Variants in CA10 observed in about 807,000 individuals in gnomAD.
The protein encoded by CA10 is carbonic anhydrase-related protein 10.
A neutral mutation model predicts 44.2 loss-of-function variants in CA10; 14 were observed. The ratio of observed to expected loss-of-function variants is 0.32; its 90% CI spans 0.21 to 0.50. The LOEUF (loss-of-function observed/expected upper bound fraction) is 0.50, where lower values mean the gene tolerates loss of function less well. CA10 is among the 20% of genes least tolerant of loss of function. CA10 has a pLI of 0.99. For synonymous variants in CA10, 159 were observed against 141.6 expected (o/e 1.12, Z -0.87); for missense variants, 350 against 409.7 (o/e 0.85, Z 1.26).
At chr17:51,690,044 T>C (rs1915137043) in intron 4 of CA10, among the ~76,000 whole-genome samples, 1 of 151,860 alleles carries the variant, frequency 6.6e-6, no homozygotes, top group Non-Finnish European at 1.5e-5. Flanking sequence ...ACCTCCCAGG[T>C]TCAAGTGATT....
chr17:51,815,222 A>G (rs921295807), intron 3 of CA10, among the ~76,000 whole-genome samples: 4 of 152,134 alleles, frequency 2.6e-5, no homozygotes, highest in African/African-American at 9.7e-5. Context: ...TGAATGCCCT[A>G]TGGTACAAGG....
intron 2 of CA10, among the ~76,000 whole-genome samples, chr17:51,937,728 T>A (rs994036850): frequency 3.9e-5 from 6 of 152,126 alleles, no homozygotes; most frequent in Non-Finnish European, 8.8e-5. Flanking sequence ...AGCTAACAAA[T>A]AGTTATAACA....
At chr17:51,881,242 G>GAAA (rs11423498) in intron 3 of CA10, among the ~76,000 whole-genome samples, 41 of 123,706 alleles carry the variant, frequency 3.3e-4, no homozygotes, top group Admixed American at 3.6e-4. Flanking sequence ...TCCGTCTCAA[G>GAAA]AAAAAAAAAA....
intron 2 of CA10, among the ~76,000 whole-genome samples, chr17:52,027,221 CAAG>C (rs544619416): frequency 5.9e-4 from 90 of 152,176 alleles, no homozygotes; most frequent in Non-Finnish European, 8.8e-4. Flanking sequence ...AGCTACTGAT[CAAG>C]AAGAGCCAGA....
At chr17:52,068,632 C>T (rs7223344) in intron 2 of CA10, among the ~76,000 whole-genome samples, 3,733 of 152,220 alleles carry the variant, frequency 0.025, 149 homozygotes, top group African/African-American at 0.082. Context: ...AAGTCTGACT[C>T]AAAGTGGCTC....
chr17:52,011,046 T>C (rs1985778698), intron 2 of CA10, among the ~76,000 whole-genome samples: 1 of 151,720 alleles, frequency 6.6e-6, no homozygotes. Flanking sequence ...GTCAGCTAAT[T>C]ACCAACCTGG....
intron 2 of CA10, among the ~76,000 whole-genome samples, chr17:51,957,247 T>C (rs1983700515): frequency 6.6e-6 from 1 of 152,168 alleles, no homozygotes; most frequent in Non-Finnish European, 1.5e-5. Flanking sequence ...TCCAAGGTGT[T>C]CAAGGCAGGC....
At chr17:51,742,599 G>A (rs1271259376) in intron 4 of CA10, among the ~76,000 whole-genome samples, 2 of 152,150 alleles carry the variant, frequency 1.3e-5, no homozygotes, top group Non-Finnish European at 2.9e-5. Flanking sequence ...TGTTTCAGTT[G>A]TTGGTTCTGA....
chr17:51,977,203 T>G (rs1451886386), intron 2 of CA10, among the ~76,000 whole-genome samples: 1 of 151,958 alleles, frequency 6.6e-6, no homozygotes, highest in Non-Finnish European at 1.5e-5. Context: ...TAGCATATCT[T>G]TGATACCAAA....
intron 3 of CA10, among the ~76,000 whole-genome samples, chr17:51,811,086 G>A (rs185423266): frequency 2.6e-5 from 4 of 151,910 alleles, no homozygotes; most frequent in Admixed American, 6.5e-5. Flanking sequence ...ATCCCAGCTA[G>A]TCGGGAGGCT....
chr17:52,068,028 AG>A (rs1195472615), intron 2 of CA10, among the ~76,000 whole-genome samples: 1 of 152,186 alleles, frequency 6.6e-6, no homozygotes, highest in African/African-American at 2.4e-5. Flanking sequence ...ACAGTTGGGT[AG>A]GCAGGATTGG....
At chr17:52,045,223 TATAA>T (rs2144198853) in intron 2 of CA10, among the ~76,000 whole-genome samples, 1 of 150,998 alleles carries the variant, frequency 6.6e-6, no homozygotes, top group African/African-American at 2.4e-5. Flanking sequence ...AAACACATTT[TATAA>T]ATAAAGGTTA....
intron 2 of CA10, among the ~76,000 whole-genome samples, chr17:52,070,681 A>C (rs1598199022): frequency 6.6e-6 from 1 of 152,364 alleles, no homozygotes; most frequent in Admixed American, 6.5e-5. Context: ...TTTTATATCA[A>C]CATGTAAGGG....
At chr17:51,775,448 A>C (rs1905782804) in intron 3 of CA10, among the ~76,000 whole-genome samples, 1 of 152,186 alleles carries the variant, frequency 6.6e-6, no homozygotes, top group Non-Finnish European at 1.5e-5. Flanking sequence ...TAAGCCATGC[A>C]GGGTACAAGG....
intron 1 of CA10, among the ~76,000 whole-genome samples, chr17:52,102,789 T>G (rs553808498): frequency 1.3e-5 from 2 of 152,214 alleles, no homozygotes; most frequent in Admixed American, 1.3e-4. Context: ...AACAGTATTC[T>G]TCTCAAGAAT....
At chr17:51,784,499 C>G (rs921748088) in intron 3 of CA10, among the ~76,000 whole-genome samples, 6 of 152,212 alleles carry the variant, frequency 3.9e-5, no homozygotes, top group Admixed American at 1.3e-4. Context: ...TAACCGACCT[C>G]TGTTTATCTC....
chr17:52,103,556 T>A (rs1053209615), intron 1 of CA10, among the ~76,000 whole-genome samples: 5 of 152,216 alleles, frequency 3.3e-5, no homozygotes, highest in Admixed American at 1.3e-4. Context: ...TGCCCGAGAC[T>A]GCTGACCCTT....
intron 4 of CA10, among the ~76,000 whole-genome samples, chr17:51,738,654 A>G (rs1347485203): frequency 2.0e-5 from 3 of 152,088 alleles, no homozygotes; most frequent in Non-Finnish European, 4.4e-5. Flanking sequence ...GATGCTCATC[A>G]TGGCTTATGT....
chr17:51,969,474 C>A (rs554841090), intron 2 of CA10, among the ~76,000 whole-genome samples: 5 of 151,968 alleles, frequency 3.3e-5, no homozygotes, highest in Non-Finnish European at 7.4e-5. Flanking sequence ...TTCTTATTTT[C>A]CCTTAATAGT....
Sources: gnomAD v4.1 joint callset for allele counts (sites outside exome capture counted in the v4.1 genomes callset) on GRCh38, gnomAD v4.1.1 for gene constraint, MANE v1.5 for transcripts, NCBI Gene and HGNC (gene_info 2026-07-23, HGNC 2026-07-21) for gene names.